The following TMEM132D variants were observed in gnomAD, a reference collection of about 807,000 sequenced individuals.
The protein encoded by TMEM132D is transmembrane protein 132D.
Under a neutral mutation model 62.3 loss-of-function variants are expected in TMEM132D, and 21 were observed. The ratio of observed to expected loss-of-function variants is 0.34; its 90% CI spans 0.24 to 0.49. The LOEUF is 0.49. TMEM132D is among the 20% of genes least tolerant of loss of function. The pLI, the probability that TMEM132D is intolerant of heterozygous loss-of-function variation, is 0.99. For missense variants in TMEM132D, 1,346 were observed against 1,402.8 expected, an observed-to-expected ratio of 0.96 and a Z score of 0.65; for synonymous variants, 621 against 575.6, an observed-to-expected ratio of 1.08 and a Z score of -1.13.
At position 129,316,759 on chromosome 12, in the gene TMEM132D, C is replaced by T. The variant is rs547529101; in HGVS notation, c.1299+20875G>A. Among the ~76,000 whole-genome samples, 3 of 152,116 alleles carry T rather than the reference C, an allele frequency of 2.0e-5. No homozygotes were observed. In the East Asian group the frequency reaches 5.8e-4, roughly 29 times the overall value. Reference sequence around the variant, plus strand: ...GTCAGTGGAGTACTAAAGTCCCCCACTATTATTGTGTTGCTGTCTATCTCA... The same window carrying T: ...GTCAGTGGAGTACTAAAGTCCCCCATTATTATTGTGTTGCTGTCTATCTCA... On this transcript the variant is annotated intron_variant, in intron 4 of 8. Coordinates refer to ENST00000422113, the MANE Select transcript of TMEM132D (RefSeq NM_133448.3).
At chr12:129,384,416 G>T (rs920397075) in intron 3 of TMEM132D, among the ~76,000 whole-genome samples, 1 of 151,838 alleles carries the variant, frequency 6.6e-6, no homozygotes, top group East Asian at 1.9e-4. Flanking sequence ...CAGGGCTGTA[G>T]ACCACTTTTT....
At chr12:129,658,740 C>T (rs150481098) in intron 2 of TMEM132D, among the ~76,000 whole-genome samples, 93 of 152,266 alleles carry the variant, frequency 6.1e-4, no homozygotes, top group Non-Finnish European at 1.2e-3. Context: ...ATTTACTTTA[C>T]GCATTCAACT....
At chr12:129,530,990 G>GAGAA (rs1555263129) in intron 3 of TMEM132D, 69 bp downstream of exon 3, 5 of 1,268,396 alleles carry the variant, frequency 3.9e-6, no homozygotes, top group Admixed American at 2.5e-5. Context: ...AGCAATCTAG[G>GAGAA]AAAAAAAAAA....
chr12:129,182,390 C>T (rs1878092290), intron 5 of TMEM132D, among the ~76,000 whole-genome samples: 1 of 152,132 alleles, frequency 6.6e-6, no homozygotes, highest in African/African-American at 2.4e-5. Flanking sequence ...GAGCCATGGA[C>T]AGTTAGTCAT....
chr12:129,460,965 A>C (rs1174518204), intron 3 of TMEM132D, among the ~76,000 whole-genome samples: 1 of 152,180 alleles, frequency 6.6e-6, no homozygotes, highest in Non-Finnish European at 1.5e-5. Flanking sequence ...CTGGACATCA[A>C]GTGTGGATTA....
chr12:129,267,956 G>C (rs868838729), intron 4 of TMEM132D, among the ~76,000 whole-genome samples: 3,033 of 152,210 alleles, frequency 0.02, 111 homozygotes, highest in African/African-American at 0.069. Flanking sequence ...TTTAATAAAT[G>C]GTGCTGGGAA....
intron 3 of TMEM132D, among the ~76,000 whole-genome samples, chr12:129,486,406 C>T (rs1203828756): frequency 6.6e-6 from 1 of 152,136 alleles, no homozygotes; most frequent in East Asian, 1.9e-4. Flanking sequence ...TGCCCAGACC[C>T]CATACATGTC....
intron 3 of TMEM132D, among the ~76,000 whole-genome samples, chr12:129,508,630 A>G (rs1322445229): frequency 6.6e-6 from 1 of 152,192 alleles, no homozygotes; most frequent in Non-Finnish European, 1.5e-5. Flanking sequence ...TAAAGAGGAA[A>G]TAAGAATATC....
intron 2 of TMEM132D, among the ~76,000 whole-genome samples, chr12:129,593,194 C>T (rs919522895): frequency 2.6e-5 from 4 of 152,082 alleles, no homozygotes; most frequent in African/African-American, 9.7e-5. Context: ...TTGGAAAGTC[C>T]TTCTGACTTT....
At chr12:129,176,605 T>G (rs1369795602) in intron 5 of TMEM132D, among the ~76,000 whole-genome samples, 1 of 152,240 alleles carries the variant, frequency 6.6e-6, no homozygotes, top group Non-Finnish European at 1.5e-5. Context: ...ATTGCTTTGA[T>G]GGCTCTCGCT....
At chr12:129,195,647 T>C (rs1427248853) in intron 5 of TMEM132D, among the ~76,000 whole-genome samples, 5 of 152,196 alleles carry the variant, frequency 3.3e-5, no homozygotes, top group Non-Finnish European at 5.9e-5. Flanking sequence ...ATTAAGAACA[T>C]AGCTGAAGGC....
intron 3 of TMEM132D, among the ~76,000 whole-genome samples, chr12:129,523,261 T>C (rs752325295): frequency 1.3e-5 from 2 of 152,194 alleles, no homozygotes; most frequent in Non-Finnish European, 2.9e-5. Flanking sequence ...GGTAGTTCCA[T>C]TGAAATGGGA....
At chr12:129,615,668 A>G (rs1296324529) in intron 2 of TMEM132D, among the ~76,000 whole-genome samples, 2 of 151,184 alleles carry the variant, frequency 1.3e-5, no homozygotes, top group Non-Finnish European at 2.9e-5. Context: ...GCTACTTGGG[A>G]GGCCAGGGTG....
At chr12:129,828,676 G>T (rs1447283939) in intron 1 of TMEM132D, among the ~76,000 whole-genome samples, 4 of 42,850 alleles carry the variant, frequency 9.3e-5, no homozygotes, top group Admixed American at 7.2e-4. Context: ...GGAAAGGAAA[G>T]AAGGGAGGAA....
chr12:129,363,072 G>A (rs1870298938), intron 3 of TMEM132D, among the ~76,000 whole-genome samples: 1 of 152,154 alleles, frequency 6.6e-6, no homozygotes, highest in Admixed American at 6.6e-5. Flanking sequence ...TATTGTGTTA[G>A]TATTTTTAGA....
At chr12:129,440,010 C>G (rs1169145143) in intron 3 of TMEM132D, among the ~76,000 whole-genome samples, 1 of 152,166 alleles carries the variant, frequency 6.6e-6, no homozygotes, top group Non-Finnish European at 1.5e-5. Flanking sequence ...AGCTATTTTG[C>G]TCTCATCCCA....
rs998564669 is a variant in TMEM132D at position 129,534,580 on chromosome 12, C to T, written c.969-3375G>A. On this transcript the variant is annotated intron_variant, in intron 2 of 8. Coordinates refer to ENST00000422113, the MANE Select transcript of TMEM132D (RefSeq NM_133448.3). The stretch of plus-strand genomic sequence containing the variant: ...CAATTGTTGCTTTTGCTCCCCATAC[C>T]CAATCTCTTTCCTGGATAGCAGTAT... Among the ~76,000 whole-genome samples the T allele has an allele frequency of 3.3e-5, 5 of 152,152 alleles. No homozygotes were observed. In the East Asian group the frequency reaches 9.7e-4, roughly 29 times the overall value.
chr12:129,776,238 C>T lies in TMEM132D; in HGVS notation c.80-75540G>A, dbSNP rs116207974. Among the ~76,000 whole-genome samples the T allele has an allele frequency of 4.4e-3, 673 of 152,198 alleles. 6 individuals are homozygous for T. Among genetic ancestry groups the T allele is most frequent in the African/African-American group, 0.014 (591 of 41,528 alleles). On this transcript the variant is annotated intron_variant, in intron 1 of 8. Transcript: ENST00000422113. The stretch of plus-strand genomic sequence containing the variant: ...TGATGCCAATTGCTCCATAACCACA[C>T]GGACGTGAACCCCAAAAAGCATGAG...
chr12:129,516,452 T>C (rs1225475898), intron 3 of TMEM132D, among the ~76,000 whole-genome samples: 1 of 152,166 alleles, frequency 6.6e-6, no homozygotes, highest in Admixed American at 6.5e-5. Flanking sequence ...CTCACAATCA[T>C]GGCAGAAGGT....
Sources: gnomAD v4.1 joint callset for allele counts (sites outside exome capture counted in the v4.1 genomes callset) on GRCh38, gnomAD v4.1.1 for gene constraint, MANE v1.5 for transcripts, NCBI Gene and HGNC (gene_info 2026-07-23, HGNC 2026-07-21) for gene names.